Variants in NAPB observed in about 807,000 individuals in gnomAD.
The protein encoded by NAPB is beta-soluble NSF attachment protein.
A neutral mutation model predicts 44.7 loss-of-function variants in NAPB; 26 were observed. The ratio of observed to expected loss-of-function variants is 0.58; its 90% confidence interval spans 0.43 to 0.81. The LOEUF (loss-of-function observed/expected upper bound fraction) is 0.81. NAPB is among the 30% of genes least tolerant of loss of function. The pLI is 0.00. For missense variants in NAPB, 315 were observed against 356.4 expected, an observed-to-expected ratio of 0.88 and a Z score of 0.94; for synonymous variants, 120 against 116.8, an observed-to-expected ratio of 1.03 and a Z score of -0.18.
intron 5 of NAPB, 152 bp downstream of exon 5, chr20:23,394,770 T>C: frequency 1.5e-6 from 1 of 657,054 alleles, no homozygotes. Flanking sequence ...CCCATCTACT[T>C]AGCCAGCTAG....
At chr20:23,421,246 G>A in intron 1 of NAPB, 59 bp downstream of exon 1, 1 of 1,430,192 alleles carries the variant, frequency 7.0e-7, no homozygotes. Context: ...CAGCCTGAAA[G>A]GAAGGGGGCC....
rs574268217 is a variant in NAPB, at chr20:23,389,939, T to A, written c.561+7A>T. On this transcript the variant is annotated splice_region_variant and intron_variant, in intron 7 of 10. Coordinates refer to ENST00000377026, the MANE Select transcript of NAPB (RefSeq NM_022080.3). ...ACTTCTCTCCAAGGAAACAACAGTA[T>A]CCTCACCTGCTCATAGATCTCAATG... 3.7e-6 allele frequency: 6 copies of A among 1,612,706 alleles called. No individual in the cohort carries two copies. The East Asian group carries it at 8.9e-5, about 24-fold the overall frequency.
intron 1 of NAPB, among the ~76,000 whole-genome samples, chr20:23,411,076 G>GTAA (rs1985621122): frequency 6.6e-6 from 1 of 152,260 alleles, no homozygotes; most frequent in Admixed American, 6.5e-5. Flanking sequence ...CTAAGTAAAA[G>GTAA]TAATACAGGA....
intron 8 of NAPB, chr20:23,380,772 C>G (rs750036120): frequency 6.5e-6 from 1 of 153,448 alleles, no homozygotes; most frequent in Non-Finnish European, 1.5e-5. Flanking sequence ...TGCTCCACCC[C>G]ACTTGGCCTC....
chr20:23,402,892 G>A, intron 2 of NAPB, 101 bp downstream of exon 2: 1 of 848,986 alleles, frequency 1.2e-6, no homozygotes, highest in Non-Finnish European at 1.9e-6. Context: ...ATCTGTCTCT[G>A]GGGCCAATAG....
At chr20:23,390,075 A>G (rs1421263981) in intron 6 of NAPB, 45 bp from the exon 7 acceptor site, 4 of 1,599,562 alleles carry the variant, frequency 2.5e-6, no homozygotes, top group Non-Finnish European at 3.4e-6. Flanking sequence ...GTCAATGGAA[A>G]AATAAAAGAT....
intron 1 of NAPB, among the ~76,000 whole-genome samples, chr20:23,416,788 T>C (rs1447900804): frequency 1.3e-5 from 2 of 152,228 alleles, no homozygotes; most frequent in Non-Finnish European, 2.9e-5. Context: ...GCTTCACCTA[T>C]GTTATCACAT....
intron 10 of NAPB, 105 bp downstream of exon 10, chr20:23,379,340 A>C: frequency 1.2e-6 from 1 of 822,338 alleles, no homozygotes. Flanking sequence ...GGTATGCTGG[A>C]GTCATGTTCA....
intron 1 of NAPB, among the ~76,000 whole-genome samples, chr20:23,410,382 A>G (rs1195842248): frequency 6.6e-6 from 1 of 152,234 alleles, no homozygotes; most frequent in East Asian, 1.9e-4. Flanking sequence ...GAAAGGAGAA[A>G]CAGCATCCAT....
intron 7 of NAPB, among the ~76,000 whole-genome samples, chr20:23,383,324 CT>C (rs1352427297): frequency 6.6e-6 from 1 of 152,118 alleles, no homozygotes; most frequent in Non-Finnish European, 1.5e-5. Context: ...TATAATTAAA[CT>C]TTTGAAACTA....
Position 23,390,132 on chromosome 20 carries a change from T to A in NAPB, c.476+77A>T, listed in dbSNP as rs1983841777. 2.0e-6 allele frequency: 3 copies of A among 1,513,966 alleles called. No individual in the cohort carries two copies. In the African/African-American group the frequency reaches 4.1e-5, roughly 21 times the overall value. 93.8% of individuals were successfully genotyped at this position (1,513,966 alleles called of 1,614,324 possible). The stretch of plus-strand genomic sequence containing the variant: ...CTTCATTTGGTATAGTCAAATACAC[T>A]CACAAAGTATAAAGAAGTATTTTTT... On this transcript the variant is annotated intron_variant, in intron 6 of 10. Transcript: ENST00000377026.
chr20:23,400,134 A>G (rs549657393), intron 2 of NAPB, among the ~76,000 whole-genome samples: 1 of 152,170 alleles, frequency 6.6e-6, no homozygotes, highest in South Asian at 2.1e-4. Context: ...ACATTTTCAC[A>G]TTCCCACATT....
intron 1 of NAPB, among the ~76,000 whole-genome samples, chr20:23,408,346 G>T (rs1985406182): frequency 6.6e-6 from 1 of 152,186 alleles, no homozygotes; most frequent in Admixed American, 6.5e-5. Flanking sequence ...CTAGCACACA[G>T]GCCACAATAA....
At chr20:23,382,611 G>GA (rs1276711732) in intron 7 of NAPB, among the ~76,000 whole-genome samples, 1 of 148,282 alleles carries the variant, frequency 6.7e-6, no homozygotes, top group Non-Finnish European at 1.5e-5. Flanking sequence ...GAAGCCACAG[G>GA]AAAAAAGATA....
At position 23,395,458 on chromosome 20, in the gene NAPB, A is replaced by G. The variant is rs565761929; in HGVS notation, c.296-273T>C. On this transcript the variant is annotated intron_variant, in intron 3 of 10. Coordinates refer to ENST00000377026, the MANE Select transcript of NAPB (RefSeq NM_022080.3). ...TAACCTTAAAGTGAGGACTCCATCC[A>G]GGCAAAAGACTGTATTATAAAGAAA... Among the ~76,000 whole-genome samples, 7 of 152,370 alleles carry G rather than the reference A, an allele frequency of 4.6e-5. No homozygotes were observed. The East Asian group carries it at 1.2e-3, about 25-fold the overall frequency.
rs1024059721 is a variant in NAPB at position 23,394,771 on chromosome 20, A to C, written c.420+151T>G. On this transcript the variant is annotated intron_variant, in intron 5 of 10. Transcript: ENST00000377026. ...CTCCAGGAAAACAGCCCATCTACTT[A>C]GCCAGCTAGTAGACTTTGCCAGAAA... 5.6e-5 allele frequency: 37 copies of C among 657,272 alleles called. 2 individuals carry two copies. The highest frequency in any genetic ancestry group is 4.2e-4 in the South Asian group (21 of 49,994). 40.7% of individuals were successfully genotyped at this position (657,272 alleles called of 1,614,324 possible).
chr20:23,388,616 A>G (rs116439895), intron 7 of NAPB, among the ~76,000 whole-genome samples: 1,676 of 152,326 alleles, frequency 0.011, 30 homozygotes, highest in African/African-American at 0.039. Flanking sequence ...TCATATGGTG[A>G]AATAATTTTC....
At chr20:23,403,930 C>T (rs1391157384) in intron 1 of NAPB, among the ~76,000 whole-genome samples, 3 of 152,178 alleles carry the variant, frequency 2.0e-5, no homozygotes, top group Non-Finnish European at 4.4e-5. Flanking sequence ...CTGGAGGAAG[C>T]CTCAGGGTCC....
intron 7 of NAPB, among the ~76,000 whole-genome samples, chr20:23,383,910 A>G (rs1413512599): frequency 6.6e-6 from 1 of 152,200 alleles, no homozygotes. Flanking sequence ...AGGGGGAGTA[A>G]AAGAACAGAA....
Sources: gnomAD v4.1 joint callset for allele counts (sites outside exome capture counted in the v4.1 genomes callset) on GRCh38, gnomAD v4.1.1 for gene constraint, MANE v1.5 for transcripts, NCBI Gene and HGNC (gene_info 2026-07-23, HGNC 2026-07-21) for gene names.